The following RCHY1 variants were observed in gnomAD, a reference collection of about 807,000 sequenced individuals.
RCHY1 encodes the protein RING finger and CHY zinc finger domain-containing protein 1.
A neutral mutation model predicts 41.6 loss-of-function variants in RCHY1; 21 were observed. That is an observed-to-expected ratio of 0.51 (90% CI 0.36 to 0.73). The LOEUF (loss-of-function observed/expected upper bound fraction) is 0.73, where lower values mean the gene tolerates loss of function less well. RCHY1 is among the 30% of genes least tolerant of loss of function. RCHY1 has a pLI of 0.00. For synonymous variants in RCHY1, 79 were observed against 102.9 expected (o/e 0.77, Z 1.41); for missense variants, 265 against 325.3 (o/e 0.81, Z 1.43).
rs1240104982 is a variant in RCHY1 at position 75,481,785 on chromosome 4, C to T, written c.*753G>A. On this transcript the variant is annotated 3_prime_UTR_variant, in exon 9 of 9. Transcript: ENST00000324439. ...ACTTGCTAAATGAAGGAATGAATGACTCTTTGAAGAAATAATTTTGGGCAA... is the reference window on the plus strand; with the variant it reads ...ACTTGCTAAATGAAGGAATGAATGATTCTTTGAAGAAATAATTTTGGGCAA... 3 of 152,080 alleles carry T rather than the reference C, an allele frequency of 2.0e-5. No homozygotes were observed. Among genetic ancestry groups the T allele is most frequent in the Non-Finnish European group, 4.4e-5 (3 of 68,014 alleles). 9.4% of individuals were successfully genotyped at this position (152,080 alleles called of 1,614,324 possible).
chr4:75,487,612 CATAAT>C (rs575204289), intron 8 of RCHY1, among the ~76,000 whole-genome samples: 28 of 20,272 alleles, frequency 1.4e-3, no homozygotes, highest in African/African-American at 4.8e-3. Context: ...CATATATATT[CATAAT>C]ATATATATTC....
intron 8 of RCHY1, 98 bp downstream of exon 8, chr4:75,490,483 G>GTA (rs200764232): frequency 0.083 from 71,240 of 863,114 alleles, 2,579 homozygotes; most frequent in Middle Eastern, 0.2. Context: ...TGTCAAACCA[G>GTA]TATATATATA....
chr4:75,483,351 A>G (rs1002282731), intron 8 of RCHY1, among the ~76,000 whole-genome samples: 2 of 152,216 alleles, frequency 1.3e-5, no homozygotes, highest in Non-Finnish European at 2.9e-5. Context: ...GAAAATTTCC[A>G]AATTTGCTCT....
intron 2 of RCHY1, 101 bp from the exon 3 acceptor site, chr4:75,509,036 T>C: frequency 8.5e-7 from 1 of 1,171,766 alleles, no homozygotes; most frequent in South Asian, 1.5e-5. Flanking sequence ...TTTATTTTTA[T>C]AAGTTTTGAA....
intron 8 of RCHY1, among the ~76,000 whole-genome samples, chr4:75,485,098 G>A (rs1360301242): frequency 6.6e-6 from 1 of 152,208 alleles, no homozygotes; most frequent in African/African-American, 2.4e-5. Flanking sequence ...AGCTAGCCTG[G>A]ATTAAATGTT....
intron 8 of RCHY1, among the ~76,000 whole-genome samples, chr4:75,484,263 T>C (rs981400347): frequency 1.1e-4 from 17 of 152,300 alleles, no homozygotes; most frequent in African/African-American, 4.1e-4. Context: ...TTAGGAATCA[T>C]GGTAAGTTCT....
chr4:75,494,559 T>C (rs1362802427), intron 3 of RCHY1: 2 of 168,558 alleles, frequency 1.2e-5, no homozygotes, highest in Non-Finnish European at 2.5e-5. Flanking sequence ...TTCTTCTTAA[T>C]AGCTACATTA....
chr4:75,501,595 C>T (rs893010533), intron 3 of RCHY1, among the ~76,000 whole-genome samples: 2 of 152,182 alleles, frequency 1.3e-5, no homozygotes, highest in African/African-American at 4.8e-5. Context: ...AATTATTTGT[C>T]TATAACGTGA....
chr4:75,500,846 C>T (rs938073379), intron 3 of RCHY1, among the ~76,000 whole-genome samples: 2 of 152,098 alleles, frequency 1.3e-5, no homozygotes, highest in Admixed American at 6.5e-5. Flanking sequence ...AAAAGACTAT[C>T]AAGAATGTGC....
At chr4:75,508,256 G>A (rs1447124278) in intron 3 of RCHY1, among the ~76,000 whole-genome samples, 4 of 151,988 alleles carry the variant, frequency 2.6e-5, no homozygotes, top group East Asian at 1.9e-4. Flanking sequence ...TCACTGTACT[G>A]TACTTTAGAC....
chr4:75,502,072 C>CA (rs879868889), intron 3 of RCHY1, among the ~76,000 whole-genome samples: 50 of 139,122 alleles, frequency 3.6e-4, no homozygotes, highest in East Asian at 6.2e-4. Flanking sequence ...AACTCTGTCT[C>CA]AAAAAAAAAA....
intron 8 of RCHY1, among the ~76,000 whole-genome samples, chr4:75,483,337 A>C (rs1578200606): frequency 6.6e-6 from 1 of 152,236 alleles, no homozygotes; most frequent in Non-Finnish European, 1.5e-5. Flanking sequence ...CACTATAATA[A>C]GCAGAAAATT....
chr4:75,491,317 AT>A (rs1722729217), intron 7 of RCHY1: 1 of 277,522 alleles, frequency 3.6e-6, no homozygotes, highest in East Asian at 6.9e-5. Context: ...TTACAACACT[AT>A]AACTGCATCT....
chr4:75,501,106 T>G (rs1247228510), intron 3 of RCHY1, among the ~76,000 whole-genome samples: 1 of 151,962 alleles, frequency 6.6e-6, no homozygotes, highest in East Asian at 1.9e-4. Flanking sequence ...CGCCCACGGG[T>G]TCAAGCAATT....
At chr4:75,506,561 G>A (rs73827642) in intron 3 of RCHY1, among the ~76,000 whole-genome samples, 3,892 of 151,892 alleles carry the variant, frequency 0.026, 150 homozygotes, top group African/African-American at 0.089. Context: ...ATTCAATGCA[G>A]CAGAAGAGAG....
rs1338944535 is a variant in RCHY1, at chr4:75,509,252, A to T, written c.135T>A (p.Asp45Glu). Residue 45 changes from aspartate (D) to glutamate (E), a missense_variant, in exon 2 of 9, where the codon GAT becomes GAA. Coordinates refer to ENST00000324439, the MANE Select transcript of RCHY1 (RefSeq NM_015436.4). ...DKLYTCRLCH[D>E]NNEDHQLDRF... ...GATCTAGTTGATGATCTTCATTGTTATCATGACACAAGCGGCAAGTATAAA... is the reference window on the plus strand; with the variant it reads ...GATCTAGTTGATGATCTTCATTGTTTTCATGACACAAGCGGCAAGTATAAA... The T allele has an allele frequency of 3.1e-6, 5 of 1,613,476 alleles. No homozygotes were observed. The highest frequency in any genetic ancestry group is 4.2e-6 in the Non-Finnish European group (5 of 1,179,624).
chr4:75,487,259 T>G (rs375114747), intron 8 of RCHY1, among the ~76,000 whole-genome samples: 35 of 107,674 alleles, frequency 3.3e-4, no homozygotes, highest in African/African-American at 1.4e-3. Context: ...ATAAGACAGT[T>G]AAATATTTTT....
intron 7 of RCHY1, chr4:75,491,300 A>C (rs1490506193): frequency 4.4e-6 from 1 of 226,436 alleles, no homozygotes; most frequent in Admixed American, 5.5e-5. Context: ...AATATTTTTC[A>C]GCATTTTTAC....
At chr4:75,510,101 G>A in intron 1 of RCHY1, among the ~76,000 whole-genome samples, 1 of 152,132 alleles carries the variant, frequency 6.6e-6, no homozygotes, top group East Asian at 1.9e-4. Flanking sequence ...TGCAACAAAT[G>A]TAAGAGACAG....
Sources: gnomAD v4.1 joint callset for allele counts (sites outside exome capture counted in the v4.1 genomes callset) on GRCh38, gnomAD v4.1.1 for gene constraint, MANE v1.5 for transcripts, NCBI Gene and HGNC (gene_info 2026-07-23, HGNC 2026-07-21) for gene names.